PEAK1: variants seen among roughly 807,000 people sequenced by gnomAD.
PEAK1 encodes the protein pseudopodium enriched atypical kinase 1, also known as inactive tyrosine-protein kinase PEAK1.
Under a neutral mutation model 124.7 loss-of-function variants are expected in PEAK1, and 54 were observed. The ratio of observed to expected loss-of-function variants is 0.43; its 90% CI spans 0.35 to 0.54. PEAK1 has a LOEUF of 0.54. Ranked by LOEUF, PEAK1 falls within the 20% of genes least tolerant of loss-of-function variation. The pLI, the probability that PEAK1 is intolerant of heterozygous loss-of-function variation, is 0.01. For synonymous variants in PEAK1, 719 were observed against 760.0 expected, an observed-to-expected ratio of 0.95 and a Z score of 0.89; for missense variants, 2,046 against 2,134.5, an observed-to-expected ratio of 0.96 and a Z score of 0.82.
chr15:77,298,713 ACTTGGATTTATT>A (rs2063638304), intron 2 of PEAK1, among the ~76,000 whole-genome samples: 1 of 152,146 alleles, frequency 6.6e-6, no homozygotes, highest in East Asian at 1.9e-4. Flanking sequence ...AAAATAGTAT[ACTTGGATTTATT>A]CTATAAATTC....
intron 2 of PEAK1, among the ~76,000 whole-genome samples, chr15:77,311,818 C>G (rs1045258218): frequency 5.9e-5 from 9 of 151,776 alleles, no homozygotes; most frequent in African/African-American, 1.7e-4. Flanking sequence ...AGCTGGATAG[C>G]CACGCAGGTT....
intron 6 of PEAK1, among the ~76,000 whole-genome samples, chr15:77,251,607 T>G (rs763210206): frequency 1.3e-5 from 2 of 152,186 alleles, no homozygotes; most frequent in Non-Finnish European, 2.9e-5. Context: ...ATTATTTCTA[T>G]GAAACGAAAA....
intron 2 of PEAK1, among the ~76,000 whole-genome samples, chr15:77,362,676 T>C (rs150344632): frequency 2.0e-5 from 3 of 152,256 alleles, no homozygotes; most frequent in Non-Finnish European, 4.4e-5. Context: ...CCAAGAGACA[T>C]GAAACCCTAT....
At chr15:77,196,930 G>A (rs1030633354) in intron 6 of PEAK1, among the ~76,000 whole-genome samples, 5 of 151,974 alleles carry the variant, frequency 3.3e-5, no homozygotes, top group African/African-American at 1.2e-4. Context: ...GCTCACTGCA[G>A]CCTCGACCTC....
chr15:77,121,206 G>A (rs1299149280), intron 9 of PEAK1, among the ~76,000 whole-genome samples: 9 of 152,050 alleles, frequency 5.9e-5, no homozygotes, highest in Admixed American at 5.9e-4. Context: ...GTACCCAACA[G>A]TTTTGCAACC....
In PEAK1 at chr15:77,126,724, A is replaced by C. The variant is rs564714661; in HGVS notation, c.4077+6281T>G. 7.2e-5 allele frequency among the ~76,000 whole-genome samples: 11 copies of C among 152,346 alleles called. No homozygotes were observed. The South Asian group carries it at 2.3e-3, about 32-fold the overall frequency. On this transcript the variant is annotated intron_variant, in intron 9 of 9. Coordinates refer to ENST00000682557, the MANE Select transcript of PEAK1 (RefSeq NM_001385026.1). ...CAAGAGAGGCGCATGACTTGCATAAAAATACACAGTGATATCTTCAGAACT... is the reference window on the plus strand; with the variant it reads ...CAAGAGAGGCGCATGACTTGCATAACAATACACAGTGATATCTTCAGAACT...
intron 9 of PEAK1, among the ~76,000 whole-genome samples, chr15:77,126,996 C>A (rs1409692004): frequency 6.6e-6 from 1 of 152,186 alleles, no homozygotes; most frequent in Non-Finnish European, 1.5e-5. Context: ...GAAGCCCTAG[C>A]CCACAATGTT....
intron 2 of PEAK1, chr15:77,336,561 G>T (rs2066214003): frequency 1.0e-6 from 1 of 985,286 alleles, no homozygotes; most frequent in Non-Finnish European, 1.2e-6. Flanking sequence ...GAATCCTCAT[G>T]CACTGCTCAA....
At chr15:77,318,515 A>C (rs1317133021) in intron 2 of PEAK1, among the ~76,000 whole-genome samples, 1 of 152,148 alleles carries the variant, frequency 6.6e-6, no homozygotes, top group South Asian at 2.1e-4. Flanking sequence ...TTTCTAACAG[A>C]GCTGTCCAAC....
chr15:77,161,712 C>A (rs1301880164), intron 7 of PEAK1, among the ~76,000 whole-genome samples: 2 of 152,110 alleles, frequency 1.3e-5, no homozygotes, highest in Admixed American at 6.5e-5. Context: ...GTGGCTCATG[C>A]CTGTAATCCC....
intron 2 of PEAK1, among the ~76,000 whole-genome samples, chr15:77,359,947 T>C (rs1242491918): frequency 2.0e-5 from 3 of 152,262 alleles, no homozygotes; most frequent in South Asian, 4.1e-4. Context: ...CATATGGTAA[T>C]ATAAGCAATC....
In PEAK1 at chr15:77,359,831, T is replaced by C. The variant is rs551223908; in HGVS notation, c.-603+5332A>G. 2.0e-5 allele frequency among the ~76,000 whole-genome samples: 3 copies of C among 152,350 alleles called. No homozygotes were observed. In the South Asian group the frequency reaches 6.2e-4, roughly 32 times the overall value. On this transcript the variant is annotated intron_variant, in intron 2 of 9. Transcript: ENST00000682557. ...ATTCAGTGTTTACAGATTGGATGACTGACTGTAAAGTCCCCAAACTGATTT... is the reference window on the plus strand; with the variant it reads ...ATTCAGTGTTTACAGATTGGATGACCGACTGTAAAGTCCCCAAACTGATTT...
In PEAK1 at chr15:77,283,863, A is replaced by C; in HGVS notation, c.-275+20T>G. On this transcript the variant is annotated intron_variant, in intron 5 of 9. Transcript: ENST00000682557. ...AAAATTAAATCAACTCATAGACCTT[A>C]TTACTTGCCACTTCCTTACCTCTTT... 1.0e-6 allele frequency: 1 copy of C among 970,228 alleles called. No individual in the cohort carries two copies. Among genetic ancestry groups the C allele is most frequent in the African/African-American group, 1.8e-5 (1 of 57,028 alleles). The allele number at this position is 970,228 out of a possible 1,614,324, so 60.1% of individuals were successfully genotyped here. A position where few individuals can be genotyped will look rare whatever the true frequency, so the allele number is the denominator to read the frequency against.
intron 9 of PEAK1, among the ~76,000 whole-genome samples, chr15:77,128,881 T>G (rs549727774): frequency 6.6e-6 from 1 of 152,280 alleles, no homozygotes; most frequent in South Asian, 2.1e-4. Context: ...AATAAGACTT[T>G]TGGAGCTGTT....
chr15:77,124,343 CTCTCT>C (rs2052188089), intron 9 of PEAK1, among the ~76,000 whole-genome samples: 1 of 152,342 alleles, frequency 6.6e-6, no homozygotes, highest in Admixed American at 6.5e-5. Flanking sequence ...TAGGCTTGAG[CTCTCT>C]TCTGAGTACC....
intron 8 of PEAK1, among the ~76,000 whole-genome samples, chr15:77,138,607 T>A (rs2053522037): frequency 6.6e-6 from 1 of 152,206 alleles, no homozygotes; most frequent in Non-Finnish European, 1.5e-5. Flanking sequence ...CTTATGCCTA[T>A]AATCCCAGCA....
At chr15:77,403,036 G>A (rs1257303963) in intron 1 of PEAK1, 1 of 985,016 alleles carries the variant, frequency 1.0e-6, no homozygotes. Context: ...ATGATGAAAT[G>A]TTGCATCCCA....
At chr15:77,377,006 G>T (rs1474776117) in intron 1 of PEAK1, among the ~76,000 whole-genome samples, 1 of 152,168 alleles carries the variant, frequency 6.6e-6, no homozygotes, top group Non-Finnish European at 1.5e-5. Flanking sequence ...ATTTAAGAGA[G>T]CCTATGGCTC....
chr15:77,239,877 G>A (rs897963572), intron 6 of PEAK1: 2 of 982,706 alleles, frequency 2.0e-6, no homozygotes, highest in South Asian at 4.7e-5. Context: ...TTCCAAATTT[G>A]AGAGAGTAAA....
Sources: allele counts gnomAD v4.1 joint callset (sites outside exome capture counted in the v4.1 genomes callset), GRCh38; gene constraint gnomAD v4.1.1; transcripts MANE v1.5; gene names NCBI Gene and HGNC (gene_info 2026-07-23, HGNC 2026-07-21).